Variants in KIAA1549 observed in about 807,000 individuals in gnomAD.
KIAA1549 encodes the protein UPF0606 protein KIAA1549.
Under a neutral mutation model 156.4 loss-of-function variants are expected in KIAA1549, and 70 were observed. That is an observed-to-expected ratio of 0.45 (90% CI 0.37 to 0.55). The LOEUF is 0.55. Ranked by LOEUF, KIAA1549 falls within the 20% of genes least tolerant of loss-of-function variation. The pLI, the probability that KIAA1549 is intolerant of heterozygous loss-of-function variation, is 0.00. For synonymous variants in KIAA1549, 1,103 were observed against 1,066.4 expected, an observed-to-expected ratio of 1.03 and a Z score of -0.67; for missense variants, 2,428 against 2,540.9, an observed-to-expected ratio of 0.96 and a Z score of 0.96.
intron 1 of KIAA1549, among the ~76,000 whole-genome samples, chr7:138,945,980 T>C (rs1813324926): frequency 6.6e-6 from 1 of 152,020 alleles, no homozygotes; most frequent in Admixed American, 6.6e-5. Flanking sequence ...AAGCAGTATG[T>C]TCAAGAGGGT....
intron 17 of KIAA1549, among the ~76,000 whole-genome samples, chr7:138,847,600 G>A (rs1008839004): frequency 2.6e-5 from 4 of 152,156 alleles, no homozygotes; most frequent in African/African-American, 9.7e-5. Context: ...CTTGTCGACT[G>A]GTCTATTTCT....
chr7:138,895,519 C>G (rs1584737319), intron 9 of KIAA1549, among the ~76,000 whole-genome samples: 1 of 151,968 alleles, frequency 6.6e-6, no homozygotes, highest in Admixed American at 6.5e-5. Flanking sequence ...ATGGAACAAG[C>G]CAGTCACAAA....
At chr7:138,962,287 A>T (rs937679570) in intron 1 of KIAA1549, among the ~76,000 whole-genome samples, 2 of 152,216 alleles carry the variant, frequency 1.3e-5, no homozygotes, top group Non-Finnish European at 2.9e-5. Flanking sequence ...AAGTAATTGT[A>T]TCTTTTCTCT....
rs750830261 is a variant in KIAA1549, at chr7:138,837,866, C to G, written c.*40G>C. On this transcript the variant is annotated 3_prime_UTR_variant, in exon 20 of 20. Coordinates refer to ENST00000422774, the MANE Select transcript of KIAA1549 (RefSeq NM_001164665.2). ...TGATTTCCTTTTGGTCTTGCTTCCA[C>G]AGGAAGCGGATACTTGGCAAATCTG... 3 of 1,596,458 alleles carry G rather than the reference C, an allele frequency of 1.9e-6. No individual in the cohort carries two copies. The Admixed American group carries it at 5.1e-5, about 27-fold the overall frequency.
chr7:138,867,035 T>G lies in KIAA1549; in HGVS notation c.4929+940A>C, dbSNP rs563069977. 4.2e-4 allele frequency among the ~76,000 whole-genome samples: 64 copies of G among 152,240 alleles called. 1 individual carries two copies. The highest frequency in any genetic ancestry group is 1.0e-4 in the Non-Finnish European group (7 of 68,020). ...CCAGGCTGGTCTCCAACACCTGGGC[T>G]CAAGCGATCCATCCACCTCAGCCTC... On this transcript the variant is annotated intron_variant, in intron 15 of 19. Coordinates refer to ENST00000422774, the MANE Select transcript of KIAA1549 (RefSeq NM_001164665.2).
At chr7:138,937,939 G>A (rs1563085568) in intron 1 of KIAA1549, among the ~76,000 whole-genome samples, 3 of 152,110 alleles carry the variant, frequency 2.0e-5, no homozygotes, top group Admixed American at 6.5e-5. Flanking sequence ...TTCACTTACG[G>A]GTGCTCTGCC....
intron 16 of KIAA1549, 24 bp from the exon 17 acceptor site, chr7:138,852,293 G>A (rs769445566): frequency 1.6e-5 from 24 of 1,546,606 alleles, no homozygotes; most frequent in Middle Eastern, 3.4e-4. Context: ...AAAAGAACAT[G>A]AAGATTAATA....
intron 16 of KIAA1549, among the ~76,000 whole-genome samples, chr7:138,854,718 A>G (rs1810334556): frequency 6.6e-6 from 1 of 152,204 alleles, no homozygotes; most frequent in African/African-American, 2.4e-5. Flanking sequence ...ATTCTCATCC[A>G]ACTACATCAG....
In KIAA1549 at chr7:138,837,963, G is replaced by T. The variant is rs577677915; in HGVS notation, c.5796C>A (p.Arg1932=). 6.2e-7 allele frequency: 1 copy of T among 1,613,780 alleles called. No homozygotes were observed. The highest frequency in any genetic ancestry group is 8.5e-7 in the Non-Finnish European group (1 of 1,179,860). Residue 1932 remains arginine, a synonymous_variant, in exon 20 of 20, where the codon CGC becomes CGA. Coordinates refer to ENST00000422774, the MANE Select transcript of KIAA1549 (RefSeq NM_001164665.2). ...HSSASLIKAI[R]EELLRLSQKQ... Reference sequence around the variant, plus strand: ...TCTGGGAGAGCCGGAGGAGCTCCTCGCGGATTGCTTTGATGAGAGAGGCCG... The same window carrying T: ...TCTGGGAGAGCCGGAGGAGCTCCTCTCGGATTGCTTTGATGAGAGAGGCCG...
rs1380985972 is a variant in KIAA1549, at chr7:138,909,096, C to T, written c.3171G>A (p.Val1057=). ...GGGTGAAGTTGCAGAAGCCAGTATC[C>T]ACACTCGGAGGCACAAACTGAAGTA... ...QTVLQFVPPS[V]DTGFCNFTQR... Residue 1057 remains valine, a synonymous_variant, in exon 5 of 20, where the codon GTG becomes GTA. Transcript: ENST00000422774. The T allele has an allele frequency of 6.8e-6, 11 of 1,613,794 alleles. No individual in the cohort carries two copies. The highest frequency in any genetic ancestry group is 9.3e-6 in the Non-Finnish European group (11 of 1,179,786).
In KIAA1549 at chr7:138,918,346, G is replaced by A. The variant is rs771831190; in HGVS notation, c.1280C>T (p.Pro427Leu). Reference protein sequence around the residue: ...PYTWCAACTVPSPQQVLATSL... With the variant: ...PYTWCAACTVLSPQQVLATSL... ...CGTGGCCAGAACTTGCTGAGGTGAA[G>A]GCACAGTGCAGGCCGCACACCAAGT... is the stretch of plus-strand genomic sequence containing the variant. The change falls in exon 2 of 20, where the codon CCT becomes CTT. Residue 427 changes from proline (P) to leucine (L), a missense_variant. Physicochemically the swap from Pro to Leu is moderately conservative, Grantham distance 98. Transcript: ENST00000422774. The surrounding 1 kb of genome is among the most constrained non-coding windows in gnomAD (Gnocchi z 4.2). The A allele has an allele frequency of 2.5e-6, 4 of 1,613,850 alleles. No homozygotes were observed. Among genetic ancestry groups the A allele is most frequent in the Non-Finnish European group, 2.5e-6 (3 of 1,179,900 alleles).
chr7:138,959,822 G>A (rs1470484719), intron 1 of KIAA1549, among the ~76,000 whole-genome samples: 1 of 152,210 alleles, frequency 6.6e-6, no homozygotes, highest in Non-Finnish European at 1.5e-5. Flanking sequence ...GAGAGCAACT[G>A]TGCCTCTTAA....
intron 1 of KIAA1549, among the ~76,000 whole-genome samples, chr7:138,971,980 G>A (rs985081428): frequency 6.6e-5 from 10 of 152,190 alleles, no homozygotes; most frequent in African/African-American, 2.4e-4. Flanking sequence ...CCTGCTGAAG[G>A]TGGAGGATGA....
intron 16 of KIAA1549, among the ~76,000 whole-genome samples, chr7:138,853,930 G>C (rs1421922385): frequency 1.3e-5 from 2 of 152,172 alleles, no homozygotes; most frequent in East Asian, 3.9e-4. Context: ...GGAGTTCTTA[G>C]TGGCATATTA....
At chr7:138,898,032 G>A (rs906623080) in intron 9 of KIAA1549, among the ~76,000 whole-genome samples, 2 of 151,560 alleles carry the variant, frequency 1.3e-5, no homozygotes, top group Non-Finnish European at 2.9e-5. Context: ...GGGGCCGGGT[G>A]CAGTGGCTCA....
chr7:138,847,400 C>T (rs376667139), intron 17 of KIAA1549, among the ~76,000 whole-genome samples: 27 of 152,106 alleles, frequency 1.8e-4, no homozygotes, highest in South Asian at 4.2e-4. Context: ...GGAGGAAGGG[C>T]GGAGAAAAGC....
chr7:138,838,228 G>A, intron 19 of KIAA1549, 68 bp from the exon 20 acceptor site: 1 of 1,431,078 alleles, frequency 7.0e-7, no homozygotes, highest in Non-Finnish European at 9.1e-7. Flanking sequence ...ATGCAAACTG[G>A]CTTTAGGAAG....
chr7:138,873,521 T>A (rs1451051773), intron 12 of KIAA1549, among the ~76,000 whole-genome samples: 5 of 150,998 alleles, frequency 3.3e-5, no homozygotes, highest in Non-Finnish European at 7.4e-5. Flanking sequence ...ATTAAGCTAC[T>A]GATACCTAGA....
rs548073282 is a variant in KIAA1549 at position 138,916,319 on chromosome 7, C to T, written c.2878+429G>A. Among the ~76,000 whole-genome samples the T allele has an allele frequency of 1.2e-3, 188 of 152,364 alleles. 1 individual carries two copies. Among genetic ancestry groups the T allele is most frequent in the Admixed American group, 7.6e-3 (116 of 15,308 alleles). On this transcript the variant is annotated intron_variant, in intron 2 of 19. Transcript: ENST00000422774. ...TTTTGTTTAAACTATGTCATCCATGCACCTACTGGGTTATGGTAGGACAAA... is the reference window on the plus strand; with the variant it reads ...TTTTGTTTAAACTATGTCATCCATGTACCTACTGGGTTATGGTAGGACAAA...
Sources: allele counts gnomAD v4.1 joint callset (sites outside exome capture counted in the v4.1 genomes callset), GRCh38; gene constraint gnomAD v4.1.1; non-coding constraint Gnocchi (gnomAD v3.1); transcripts MANE v1.5; gene names NCBI Gene and HGNC (gene_info 2026-07-23, HGNC 2026-07-21).